Variants in RIF1 observed in about 807,000 individuals in gnomAD.
RIF1 encodes the protein telomere-associated protein RIF1.
In RIF1, 45 loss-of-function variants were observed where a neutral mutation model predicts 247.1. That is an observed-to-expected ratio of 0.18 (90% CI 0.14 to 0.23). The LOEUF (loss-of-function observed/expected upper bound fraction) is 0.23. Among genes scored for constraint, RIF1 ranks in the 10% least tolerant of loss-of-function variants. The probability of loss-of-function intolerance (pLI) is 1.00; values close to 1 mark genes in which losing one functional copy is unlikely to be tolerated. For synonymous variants in RIF1, 1,087 were observed against 978.8 expected (o/e 1.11, Z -2.06); for missense variants, 2,967 against 2,862.5 (o/e 1.04, Z -0.83).
chr2:151,515,533 C>T, the RIF1 span, among the ~76,000 whole-genome samples: 1 of 152,040 alleles, frequency 6.6e-6, no homozygotes, highest in Non-Finnish European at 1.5e-5. Context: ...TTTTAAAAAT[C>T]ACTGAATAGC....
intron 34 of RIF1, among the ~76,000 whole-genome samples, chr2:151,470,337 A>T (rs1203155195): frequency 6.6e-6 from 1 of 152,136 alleles, no homozygotes; most frequent in Non-Finnish European, 1.5e-5. Flanking sequence ...TTTCAGAAGG[A>T]TTCACAGACT....
At chr2:151,518,428 G>A in the RIF1 span, 2 of 1,566,670 alleles carry the variant, frequency 1.3e-6, no homozygotes, top group Non-Finnish European at 1.8e-6. Context: ...TGGTACTGAG[G>A]GGAAGGCGGC....
chr2:151,514,364 G>T, the RIF1 span: 1 of 1,613,770 alleles, frequency 6.2e-7, no homozygotes, highest in Non-Finnish European at 8.5e-7. Context: ...CATGTCAGGT[G>T]TATCTTCCAT....
At position 151,454,929 on chromosome 2, in the gene RIF1, G is replaced by C; in HGVS notation, c.2379G>C (p.Lys793Asn). ...GACCTTCAGATTGGTCCAAAAAGAA[G>C]AATGAGCCCCTAGGGAAATTGACTT... ...PQRPSDWSKK[K>N]NEPLGKLTSL... The change falls in exon 22 of 36, where the codon AAG (lysine) becomes AAC (asparagine). Residue 793 changes from lysine to asparagine, a missense_variant. By Grantham distance (94) the Lys-to-Asn change is moderately conservative. Around this residue, in one of 7 missense-constraint regions of RIF1, gnomAD observed 2,028 missense variants for 1,825.6 expected, o/e 1.11. Coordinates refer to ENST00000444746, the MANE Select transcript of RIF1 (RefSeq NM_018151.5). The C allele has an allele frequency of 6.2e-7, 1 of 1,611,444 alleles. No homozygotes were observed. The highest frequency in any genetic ancestry group is 8.5e-7 in the Non-Finnish European group (1 of 1,178,616).
At chr2:151,524,393 C>T in the RIF1 span, 35 of 1,613,810 alleles carry the variant, frequency 2.2e-5, no homozygotes, top group Middle Eastern at 1.6e-4. Flanking sequence ...GCCTTCCTTG[C>T]GGTGCTTGGC....
chr2:151,512,328 C>T (rs143470269), downstream of RIF1, among the ~76,000 whole-genome samples: 264 of 151,936 alleles, frequency 1.7e-3, 2 homozygotes, highest in South Asian at 0.031. Flanking sequence ...GCCACCATGC[C>T]GGGCTTCTCT....
At chr2:151,411,471 C>CG in intron 3 of RIF1, 133 bp downstream of exon 3, 1 of 569,180 alleles carries the variant, frequency 1.8e-6, no homozygotes, top group African/African-American at 2.0e-5. Flanking sequence ...GGCTCGGGCT[C>CG]GGCTCACTGA....
intron 16 of RIF1, 57 bp downstream of exon 16, chr2:151,442,048 T>TTTTATTTTA: frequency 4.2e-6 from 1 of 236,814 alleles, no homozygotes; most frequent in Non-Finnish European, 8.8e-6. Flanking sequence ...ATACTTCCCT[T>TTTTATTTTA]TTTTATTTTA....
the RIF1 span, among the ~76,000 whole-genome samples, chr2:151,533,839 A>G: frequency 6.6e-6 from 1 of 152,268 alleles, no homozygotes; most frequent in African/African-American, 2.4e-5. Flanking sequence ...AGAAAGATAT[A>G]TAGTAAGGAG....
intron 8 of RIF1, among the ~76,000 whole-genome samples, chr2:151,425,270 TTC>T (rs1222199265): frequency 6.6e-6 from 1 of 152,172 alleles, no homozygotes; most frequent in African/African-American, 2.4e-5. Flanking sequence ...TGAGTTGTAG[TTC>T]TTTATATGTT....
rs13018876 is a variant in RIF1, at chr2:151,433,867, C to A, written c.1077+639C>A. ...ATTTGGAATATAATTGAGAAGAAAA[C>A]CAGCATCAGTGAAATAGAAATCAGC... On this transcript the variant is annotated intron_variant, in intron 10 of 35. Coordinates refer to ENST00000444746, the MANE Select transcript of RIF1 (RefSeq NM_018151.5). Among the ~76,000 whole-genome samples, 942 of 152,116 alleles carry A rather than the reference C, an allele frequency of 6.2e-3. 9 individuals carry two copies. The highest frequency in any genetic ancestry group is 0.01 in the Middle Eastern group (3 of 294).
At chr2:151,438,823 ATTGT>A (rs1339252067) in intron 14 of RIF1, 77 bp downstream of exon 14, 5 of 841,692 alleles carry the variant, frequency 5.9e-6, no homozygotes, top group African/African-American at 3.4e-5. Context: ...CATCCGGTGA[ATTGT>A]TTGACTATAT....
At chr2:151,516,594 T>C in the RIF1 span, 13 of 1,395,140 alleles carry the variant, frequency 9.3e-6, no homozygotes, top group Non-Finnish European at 1.2e-5. Flanking sequence ...TAGATATCTC[T>C]CCTCTGGTCA....
At chr2:151,517,077 C>G in the RIF1 span, among the ~76,000 whole-genome samples, 3 of 152,200 alleles carry the variant, frequency 2.0e-5, no homozygotes, top group African/African-American at 7.2e-5. Flanking sequence ...CCTGACTGGC[C>G]ATATATTTAA....
At chr2:151,459,418 T>C (rs535306687) in intron 25 of RIF1, among the ~76,000 whole-genome samples, 55 of 152,314 alleles carry the variant, frequency 3.6e-4, no homozygotes, top group South Asian at 1.7e-3. Context: ...AAAACCTTTT[T>C]CTATTCAGGA....
chr2:151,515,007 AAAAC>A, the RIF1 span: 2 of 900,162 alleles, frequency 2.2e-6, no homozygotes, highest in Non-Finnish European at 3.4e-6. Flanking sequence ...GAAGAAAAAA[AAAAC>A]AGCATTTTCT....
intron 9 of RIF1, among the ~76,000 whole-genome samples, chr2:151,487,276 AT>A (rs2051502939): frequency 1.3e-5 from 2 of 152,180 alleles, no homozygotes; most frequent in Non-Finnish European, 2.9e-5. Context: ...AATTGTAATA[AT>A]TTGGAGGTAT....
At chr2:151,440,170 T>C in intron 15 of RIF1, 43 bp downstream of exon 15, 1 of 1,065,900 alleles carries the variant, frequency 9.4e-7, no homozygotes, top group Non-Finnish European at 1.4e-6. Flanking sequence ...AACCATTTTC[T>C]GAAGTTAAAT....
intron 8 of RIF1, among the ~76,000 whole-genome samples, chr2:151,424,964 C>G (rs559072420): frequency 2.0e-5 from 3 of 151,164 alleles, no homozygotes; most frequent in African/African-American, 7.3e-5. Flanking sequence ...AGGCATGAGC[C>G]ACTTGAACCA....
Sources: gnomAD v4.1 joint callset for allele counts (sites outside exome capture counted in the v4.1 genomes callset) on GRCh38, gnomAD v4.1.1 for gene constraint, gnomAD v4.1.1 regional missense constraint, MANE v1.5 for transcripts, NCBI Gene and HGNC (gene_info 2026-07-23, HGNC 2026-07-21) for gene names.